Variants in GLI2 observed in about 807,000 individuals in gnomAD.
The protein encoded by GLI2 is GLI family zinc finger 2.
A neutral mutation model predicts 78.9 loss-of-function variants in GLI2; 22 were observed. The observed-to-expected ratio is 0.28, with a 90% CI of 0.20 to 0.40. GLI2 has a LOEUF of 0.40. Among genes scored for constraint, GLI2 ranks in the 10% least tolerant of loss-of-function variants. The pLI is 1.00. For synonymous variants in GLI2, 974 were observed against 963.7 expected, an observed-to-expected ratio of 1.01 and a Z score of -0.20; for missense variants, 2,097 against 2,213.2, an observed-to-expected ratio of 0.95 and a Z score of 1.05.
chr2:120,917,170 C>T (rs760987865), intron 2 of GLI2, among the ~76,000 whole-genome samples: 12 of 152,198 alleles, frequency 7.9e-5, no homozygotes, highest in Non-Finnish European at 1.8e-4. Flanking sequence ...CGGTGCTGAT[C>T]GCCATCCTTA....
rs546719163 is a variant in GLI2 at position 120,737,037 on chromosome 2, C to T, written c.-31+752C>T. On this transcript the variant is annotated intron_variant, in intron 1 of 13. Coordinates refer to ENST00000361492, the MANE Select transcript of GLI2 (RefSeq NM_001374353.1). The surrounding 1 kb of genome is among the most constrained non-coding windows in gnomAD (Gnocchi z 4.3). The stretch of plus-strand genomic sequence containing the variant: ...CCTACTCATCGTCTCTCCCCACCCC[C>T]GACAATCTCTCAACAAGTATATTTG... 8.5e-5 allele frequency among the ~76,000 whole-genome samples: 13 copies of T among 152,112 alleles called. No homozygotes were observed. Among genetic ancestry groups the T allele is most frequent in the African/African-American group, 2.9e-4 (12 of 41,420 alleles).
intron 2 of GLI2, among the ~76,000 whole-genome samples, chr2:120,924,788 G>A (rs1467300644): frequency 6.6e-6 from 1 of 152,184 alleles, no homozygotes; most frequent in Non-Finnish European, 1.5e-5. Context: ...CCCCACATTA[G>A]TAAATTCATA....
intron 1 of GLI2, among the ~76,000 whole-genome samples, chr2:120,791,454 G>T (rs774581181): frequency 3.3e-5 from 5 of 152,246 alleles, no homozygotes; most frequent in Non-Finnish European, 7.3e-5. Context: ...GCCTCAGGCC[G>T]TGAGTCGGCT....
intron 1 of GLI2, among the ~76,000 whole-genome samples, chr2:120,768,262 G>C (rs763092886): frequency 1.3e-5 from 2 of 152,180 alleles, no homozygotes; most frequent in Admixed American, 6.5e-5. Context: ...TGCCCTATGC[G>C]GTGGGCGGAC....
In GLI2 at chr2:120,990,849, C is replaced by G. The variant is rs1683268819; in HGVS notation, c.*174C>G. The G allele has an allele frequency of 1.7e-6, 1 of 603,102 alleles. No individual in the cohort carries two copies. The highest frequency in any genetic ancestry group is 3.0e-5 in the Admixed American group (1 of 33,858). The allele number at this position is 603,102 out of a possible 1,614,324, so 37.4% of individuals were successfully genotyped here. A position where few individuals can be genotyped will look rare whatever the true frequency, so the allele number is the denominator to read the frequency against. On this transcript the variant is annotated 3_prime_UTR_variant, in exon 14 of 14. Transcript: ENST00000361492. ...AAGAGAAGGTTTATGGGCATCCTCTCTGGTCTTTTGGATTATTCCTCAGAA... is the reference window on the plus strand; with the variant it reads ...AAGAGAAGGTTTATGGGCATCCTCTGTGGTCTTTTGGATTATTCCTCAGAA...
At chr2:120,740,851 C>T (rs888093303) in intron 1 of GLI2, among the ~76,000 whole-genome samples, 3 of 152,200 alleles carry the variant, frequency 2.0e-5, no homozygotes, top group African/African-American at 4.8e-5. Flanking sequence ...CCCAGGCCTC[C>T]TGCAGGCAGC....
intron 2 of GLI2, among the ~76,000 whole-genome samples, chr2:120,827,588 A>G (rs1686144797): frequency 6.6e-6 from 1 of 152,228 alleles, no homozygotes; most frequent in South Asian, 2.1e-4. Flanking sequence ...TTGCACACCC[A>G]TGTTCATAGC....
chr2:120,990,921 TAC>T lies in GLI2; in HGVS notation c.*250_*251del, dbSNP rs1683271043. 1 of 539,828 alleles carries T rather than the reference TAC, an allele frequency of 1.9e-6. No individual in the cohort carries two copies. The highest frequency in any genetic ancestry group is 3.3e-6 in the Non-Finnish European group (1 of 304,244). 33.4% of individuals were successfully genotyped at this position (539,828 alleles called of 1,614,324 possible). A position where few individuals can be genotyped will look rare whatever the true frequency, so the allele number is the denominator to read the frequency against. ...GACAGGAAGGAATGCAAAACTCATT[TAC>T]ACAGTGCTTTCCAGCCTTTGGTGCT... On this transcript the variant is annotated 3_prime_UTR_variant, in exon 14 of 14. Coordinates refer to ENST00000361492, the MANE Select transcript of GLI2 (RefSeq NM_001374353.1).
Position 120,990,192 on chromosome 2 carries a change from G to A in GLI2, c.4227G>A (p.Ser1409=), listed in dbSNP as rs143388073. The A allele has an allele frequency of 2.0e-5, 33 of 1,613,266 alleles. No individual in the cohort carries two copies. Among genetic ancestry groups the A allele is most frequent in the Middle Eastern group, 1.6e-4 (1 of 6,062 alleles). The change falls in exon 14 of 14, where the codon TCG becomes TCA. Residue 1409 remains serine, a synonymous_variant. Coordinates refer to ENST00000361492, the MANE Select transcript of GLI2 (RefSeq NM_001374353.1). ...VPKGAMGNMG[S]VPPQPPPQDA... Reference sequence around the variant, plus strand: ...AGGGAGCGATGGGCAACATGGGGTCGGTGCCTCCCCAGCCGCCTCCGCAGG... The same window carrying A: ...AGGGAGCGATGGGCAACATGGGGTCAGTGCCTCCCCAGCCGCCTCCGCAGG...
chr2:120,807,714 G>A (rs985327463), intron 2 of GLI2, among the ~76,000 whole-genome samples: 23 of 152,092 alleles, frequency 1.5e-4, no homozygotes, highest in African/African-American at 4.1e-4. Context: ...TTCCCTCCCC[G>A]ATCCTGGCAC....
chr2:120,898,954 A>G (rs562066929), intron 2 of GLI2, among the ~76,000 whole-genome samples: 2 of 152,212 alleles, frequency 1.3e-5, no homozygotes, highest in East Asian at 3.9e-4. Flanking sequence ...GAGCTATGGC[A>G]GTTGTCAGCA....
At chr2:120,942,476 T>C (rs918374970) in intron 3 of GLI2, among the ~76,000 whole-genome samples, 2 of 152,254 alleles carry the variant, frequency 1.3e-5, no homozygotes, top group East Asian at 3.8e-4. Context: ...GACCCCATGA[T>C]GGCATGTAGG....
At chr2:120,934,896 C>G (rs1680119324) in intron 3 of GLI2, among the ~76,000 whole-genome samples, 1 of 152,080 alleles carries the variant, frequency 6.6e-6, no homozygotes, top group African/African-American at 2.4e-5. Flanking sequence ...AAGACTGCAC[C>G]GTTCACCATG....
chr2:120,890,728 T>C (rs1677640171), intron 2 of GLI2, among the ~76,000 whole-genome samples: 2 of 152,360 alleles, frequency 1.3e-5, no homozygotes, highest in East Asian at 3.9e-4. Context: ...TTACGTCACG[T>C]GTCTTCACTA....
intron 2 of GLI2, among the ~76,000 whole-genome samples, chr2:120,884,700 C>T (rs1573536402): frequency 1.3e-5 from 2 of 152,296 alleles, no homozygotes; most frequent in Admixed American, 1.3e-4. Flanking sequence ...TCACCCGCCC[C>T]TAAGCTGAGT....
At chr2:120,811,395 G>A (rs149980459) in intron 2 of GLI2, among the ~76,000 whole-genome samples, 48 of 152,256 alleles carry the variant, frequency 3.2e-4, no homozygotes, top group African/African-American at 1.1e-3. Context: ...TCCCCATAAG[G>A]GTACACAAAG....
At chr2:120,934,218 A>T (rs1044377179) in intron 3 of GLI2, among the ~76,000 whole-genome samples, 25 of 152,162 alleles carry the variant, frequency 1.6e-4, no homozygotes, top group Admixed American at 5.9e-4. Context: ...CCGCCAAAAC[A>T]CGGGTTGTTA....
At chr2:120,986,072 C>T (rs1202294198) in intron 12 of GLI2, among the ~76,000 whole-genome samples, 2 of 152,272 alleles carry the variant, frequency 1.3e-5, no homozygotes, top group Non-Finnish European at 2.9e-5. Context: ...GTTGGGGAAG[C>T]CAAGGTTAAG....
At chr2:120,895,445 G>T (rs536644135) in intron 2 of GLI2, among the ~76,000 whole-genome samples, 1 of 152,256 alleles carries the variant, frequency 6.6e-6, no homozygotes, top group South Asian at 2.1e-4. Flanking sequence ...GCTCACACCT[G>T]TAATCCCAGC....
Sources: allele counts gnomAD v4.1 joint callset (sites outside exome capture counted in the v4.1 genomes callset), GRCh38; gene constraint gnomAD v4.1.1; non-coding constraint Gnocchi (gnomAD v3.1); transcripts MANE v1.5; gene names NCBI Gene and HGNC (gene_info 2026-07-23, HGNC 2026-07-21).